The following PPFIBP1 variants were observed in gnomAD, a reference collection of about 807,000 sequenced individuals.
PPFIBP1 encodes the protein liprin-beta-1.
Under a neutral mutation model 137.8 loss-of-function variants are expected in PPFIBP1, and 112 were observed. That is an observed-to-expected ratio of 0.81 (90% confidence interval 0.70 to 0.95). The LOEUF (loss-of-function observed/expected upper bound fraction) is 0.95, where lower values mean the gene tolerates loss of function less well. Among genes scored for constraint, PPFIBP1 ranks in the 40% least tolerant of loss-of-function variants. The pLI is 0.00. For synonymous variants in PPFIBP1, 378 were observed against 417.3 expected, an observed-to-expected ratio of 0.91 and a Z score of 1.15; for missense variants, 1,083 against 1,196.6, an observed-to-expected ratio of 0.91 and a Z score of 1.40.
intron 20 of PPFIBP1, 66 bp downstream of exon 20, chr12:27,679,705 T>C: frequency 1.3e-6 from 2 of 1,553,718 alleles, no homozygotes; most frequent in Non-Finnish European, 1.8e-6. Flanking sequence ...TGGCTGGACA[T>C]GGGTATGGAC....
At chr12:27,531,924 G>C (rs986221277) in intron 1 of PPFIBP1, among the ~76,000 whole-genome samples, 4 of 152,120 alleles carry the variant, frequency 2.6e-5, no homozygotes, top group African/African-American at 9.7e-5. Flanking sequence ...AGGGATGAAG[G>C]GCGGGGACTC....
chr12:27,636,306 CT>C (rs2057671510), intron 4 of PPFIBP1: 1 of 151,066 alleles, frequency 6.6e-6, no homozygotes, highest in Non-Finnish European at 1.5e-5. Context: ...ATTATACTTT[CT>C]ATTTGCTCTA....
intron 21 of PPFIBP1, 118 bp downstream of exon 21, chr12:27,680,179 A>G: frequency 7.4e-7 from 1 of 1,345,404 alleles, no homozygotes; most frequent in Non-Finnish European, 1.0e-6. Flanking sequence ...GCTGTGCCTA[A>G]TGAAAGGGGC....
intron 1 of PPFIBP1, among the ~76,000 whole-genome samples, chr12:27,544,555 A>G (rs1460458459): frequency 6.6e-6 from 1 of 152,206 alleles, no homozygotes; most frequent in Non-Finnish European, 1.5e-5. Flanking sequence ...GAAAAAAACA[A>G]ACAACCCCAT....
chr12:27,526,602 GGCAC>G (rs1943777176), intron 1 of PPFIBP1, among the ~76,000 whole-genome samples: 1 of 152,146 alleles, frequency 6.6e-6, no homozygotes. Context: ...AGGAGGCTGA[GGCAC>G]GCAGATCACC....
intron 2 of PPFIBP1, among the ~76,000 whole-genome samples, chr12:27,622,928 G>T (rs1289143563): frequency 6.6e-5 from 10 of 152,178 alleles, no homozygotes; most frequent in African/African-American, 1.9e-4. Flanking sequence ...AATTTTAGGA[G>T]TCGTGACCCA....
chr12:27,672,506 T>C, intron 15 of PPFIBP1, 23 bp downstream of exon 15: 2 of 1,540,772 alleles, frequency 1.3e-6, no homozygotes, highest in Non-Finnish European at 1.8e-6. Context: ...TTATTGAATG[T>C]GAAAAATGTG....
chr12:27,544,684 A>G (rs147998199), intron 1 of PPFIBP1, among the ~76,000 whole-genome samples: 7,506 of 152,306 alleles, frequency 0.049, 232 homozygotes, highest in East Asian at 0.14. Context: ...AATGAAAACC[A>G]CAATGAGATA....
intron 4 of PPFIBP1, among the ~76,000 whole-genome samples, chr12:27,640,774 A>G (rs183534680): frequency 5.3e-5 from 8 of 152,252 alleles, no homozygotes; most frequent in Non-Finnish European, 1.2e-4. Context: ...CTCAAATGCA[A>G]TATGACTGTG....
At chr12:27,569,384 G>T (rs2049954509) in intron 1 of PPFIBP1, among the ~76,000 whole-genome samples, 1 of 152,132 alleles carries the variant, frequency 6.6e-6, no homozygotes, top group South Asian at 2.1e-4. Flanking sequence ...TAGTTGTATG[G>T]CTATACATAA....
chr12:27,644,734 C>T (rs377189609), intron 4 of PPFIBP1, among the ~76,000 whole-genome samples: 33 of 152,280 alleles, frequency 2.2e-4, no homozygotes, highest in African/African-American at 7.2e-4. Flanking sequence ...CAGAATTATG[C>T]CGTGGTAATT....
chr12:27,590,567 G>A (rs1224028284), intron 2 of PPFIBP1, among the ~76,000 whole-genome samples: 2 of 152,146 alleles, frequency 1.3e-5, no homozygotes, highest in African/African-American at 4.8e-5. Flanking sequence ...CTATAAAGAG[G>A]GCTGAAAAGT....
At chr12:27,681,814 A>C in intron 22 of PPFIBP1, 118 bp downstream of exon 22, 1 of 1,220,732 alleles carries the variant, frequency 8.2e-7, no homozygotes, top group Non-Finnish European at 1.1e-6. Flanking sequence ...CTCTGTAAAC[A>C]AAAGTTTGGG....
chr12:27,671,714 G>C (rs1279231123), intron 14 of PPFIBP1, among the ~76,000 whole-genome samples, 168 bp downstream of exon 14: 1 of 152,198 alleles, frequency 6.6e-6, no homozygotes, highest in Admixed American at 6.5e-5. Flanking sequence ...GAAATAAAAG[G>C]TGTGAAGCAG....
intron 4 of PPFIBP1, chr12:27,636,749 C>T (rs1435520080): frequency 3.0e-5 from 3 of 99,682 alleles, no homozygotes; most frequent in Admixed American, 2.2e-4. Flanking sequence ...AGAGTAAAAA[C>T]CACAGTGCTT....
Position 27,689,125 on chromosome 12 carries a change from G to T in PPFIBP1, c.2607G>T (p.Gly869=), listed in dbSNP as rs924993356. ...HLATHFNLLI[G]AEAQHQKRDA... ...CCACTCATTTCAACCTTCTGATTGG[G>T]GCTGAGGCACAGCACCAGAAGCGAG... Residue 869 remains glycine, a synonymous_variant, in exon 27 of 30, where the codon GGG becomes GGT. Coordinates refer to ENST00000228425, the MANE Select transcript of PPFIBP1 (RefSeq NM_003622.4). 3 of 1,604,642 alleles carry T rather than the reference G, an allele frequency of 1.9e-6. No individual in the cohort carries two copies. Among genetic ancestry groups the T allele is most frequent in the Non-Finnish European group, 2.5e-6 (3 of 1,177,750 alleles).
chr12:27,604,852 A>C (rs2054354328), intron 2 of PPFIBP1, among the ~76,000 whole-genome samples: 1 of 152,222 alleles, frequency 6.6e-6, no homozygotes, highest in Non-Finnish European at 1.5e-5. Flanking sequence ...GTGGCTGGGG[A>C]GGCCTCACAA....
intron 9 of PPFIBP1, among the ~76,000 whole-genome samples, chr12:27,657,707 A>G: frequency 6.6e-6 from 1 of 151,914 alleles, no homozygotes; most frequent in African/African-American, 2.4e-5. Flanking sequence ...CTCACCACCA[A>G]CCGCTTCACC....
rs935533535 is a variant in PPFIBP1, at chr12:27,683,760, ATTTATTTATT to A, written c.2247+1065_2247+1074del. ...TAATGTTCTACTTAAAATTCTCTTT[ATTTATTTATT>A]TTTATTTTTATTTTTATTTTATTTT... On this transcript the variant is annotated intron_variant, in intron 24 of 29. Transcript: ENST00000228425. Among the ~76,000 whole-genome samples, 18 of 150,294 alleles carry A rather than the reference ATTTATTTATT, an allele frequency of 1.2e-4. 1 individual carries two copies. Among genetic ancestry groups the A allele is most frequent in the African/African-American group, 4.5e-4 (18 of 39,866 alleles).
Sources: allele counts gnomAD v4.1 joint callset (sites outside exome capture counted in the v4.1 genomes callset), GRCh38; gene constraint gnomAD v4.1.1; transcripts MANE v1.5; gene names NCBI Gene and HGNC (gene_info 2026-07-23, HGNC 2026-07-21).